Variants in CUL5 observed in about 807,000 individuals in gnomAD.
CUL5 encodes the protein cullin-5.
Under a neutral mutation model 108.8 loss-of-function variants are expected in CUL5, and 26 were observed. That is an observed-to-expected ratio of 0.24 (90% CI 0.18 to 0.33). CUL5 has a LOEUF of 0.33. CUL5 is among the 10% of genes least tolerant of loss of function. CUL5 has a pLI of 1.00. For synonymous variants in CUL5, 334 were observed against 298.0 expected, an observed-to-expected ratio of 1.12 and a Z score of -1.25; for missense variants, 524 against 909.2, an observed-to-expected ratio of 0.58 and a Z score of 5.45.
intron 1 of CUL5, among the ~76,000 whole-genome samples, chr11:108,027,919 G>A (rs935037008): frequency 3.3e-5 from 5 of 152,104 alleles, no homozygotes; most frequent in Admixed American, 3.3e-4. Flanking sequence ...CCATACTCTT[G>A]GTTTTCTTGC....
intron 1 of CUL5, among the ~76,000 whole-genome samples, chr11:108,022,395 A>C (rs1300184816): frequency 6.6e-5 from 10 of 152,190 alleles, no homozygotes; most frequent in Non-Finnish European, 1.5e-4. Context: ...ACATGATAAC[A>C]AATACTGTAT....
chr11:108,010,356 A>G (rs1031010791), intron 1 of CUL5, among the ~76,000 whole-genome samples: 1 of 152,262 alleles, frequency 6.6e-6, no homozygotes, highest in African/African-American at 2.4e-5. Flanking sequence ...AGAAAATAAT[A>G]GAAAATATAC....
intron 10 of CUL5, chr11:108,074,194 T>TA (rs1863892339): frequency 1.4e-5 from 2 of 146,824 alleles, no homozygotes; most frequent in East Asian, 3.9e-4. Context: ...ATTTTAATTT[T>TA]TTTTTTTTTT....
chr11:108,034,062 G>C (rs1447861718), intron 2 of CUL5, 151 bp downstream of exon 2: 5 of 580,476 alleles, frequency 8.6e-6, no homozygotes, highest in Non-Finnish European at 1.5e-5. Context: ...CCTCTCCCAG[G>C]TATGATGATT....
intron 5 of CUL5, among the ~76,000 whole-genome samples, chr11:108,053,998 A>G (rs1163334230): frequency 6.6e-6 from 1 of 152,064 alleles, no homozygotes; most frequent in Non-Finnish European, 1.5e-5. Flanking sequence ...GGTGTGTGCC[A>G]TCACTCCCAG....
chr11:108,079,812 T>G (rs912129098), intron 11 of CUL5, among the ~76,000 whole-genome samples: 1 of 152,232 alleles, frequency 6.6e-6, no homozygotes, highest in Non-Finnish European at 1.5e-5. Context: ...TAGTTTTGCC[T>G]AATCTAGGAC....
intron 1 of CUL5, among the ~76,000 whole-genome samples, chr11:108,016,709 C>T (rs1293307347): frequency 6.6e-6 from 1 of 152,054 alleles, no homozygotes; most frequent in East Asian, 1.9e-4. Flanking sequence ...ACCTGTAATC[C>T]CAGTGATTTG....
intron 1 of CUL5, among the ~76,000 whole-genome samples, chr11:108,027,066 T>C (rs1591280070): frequency 2.0e-5 from 3 of 152,120 alleles, no homozygotes. Context: ...TTTACTCTCT[T>C]ATACAGGAAA....
intron 1 of CUL5, among the ~76,000 whole-genome samples, chr11:108,013,019 G>A (rs1407952518): frequency 1.3e-5 from 2 of 152,120 alleles, no homozygotes; most frequent in East Asian, 3.9e-4. Flanking sequence ...TAATGATATG[G>A]CTTACTCTTC....
intron 10 of CUL5, among the ~76,000 whole-genome samples, chr11:108,077,368 T>G (rs1291604628): frequency 6.6e-6 from 1 of 152,032 alleles, no homozygotes; most frequent in African/African-American, 2.4e-5. Flanking sequence ...TTGTGTAGGC[T>G]GGGTGTGGTG....
At chr11:108,024,993 C>T (rs944019754) in intron 1 of CUL5, among the ~76,000 whole-genome samples, 5 of 152,188 alleles carry the variant, frequency 3.3e-5, no homozygotes, top group African/African-American at 1.2e-4. Context: ...GACTCTGCTA[C>T]CTCATTGTTT....
chr11:108,072,482 C>T lies in CUL5; in HGVS notation c.1005+20C>T, dbSNP rs760170220. On this transcript the variant is annotated intron_variant, in intron 9 of 18. Coordinates refer to ENST00000393094, the MANE Select transcript of CUL5 (RefSeq NM_003478.6). ...ACTACTGTAAGTTTTTTTTCAATGG[C>T]AATGATAGATATATATCAAGGCTAT... The T allele has an allele frequency of 4.4e-6, 7 of 1,582,270 alleles. No individual in the cohort carries two copies. In the South Asian group the frequency reaches 5.8e-5, roughly 13 times the overall value.
At chr11:108,054,554 A>G in intron 5 of CUL5, 93 bp from the exon 6 acceptor site, 1 of 826,546 alleles carries the variant, frequency 1.2e-6, no homozygotes, top group South Asian at 2.0e-5. Flanking sequence ...GTTACCTTGC[A>G]CATAATGACT....
chr11:108,103,335 G>C (rs918920760), intron 18 of CUL5, among the ~76,000 whole-genome samples: 8 of 151,970 alleles, frequency 5.3e-5, no homozygotes, highest in African/African-American at 1.9e-4. Context: ...CCAGGGCAGG[G>C]GAGTATTTGA....
intron 1 of CUL5, among the ~76,000 whole-genome samples, chr11:108,017,410 AG>A (rs1862225613): frequency 6.7e-6 from 1 of 150,350 alleles, no homozygotes; most frequent in African/African-American, 2.5e-5. Flanking sequence ...AAAAAAAAAA[AG>A]TATCAGTGAT....
chr11:108,054,324 T>C (rs1863318647), intron 5 of CUL5, among the ~76,000 whole-genome samples: 1 of 152,268 alleles, frequency 6.6e-6, no homozygotes, highest in African/African-American at 2.4e-5. Flanking sequence ...TCTCCGTTTA[T>C]GCAAATTCTA....
chr11:108,082,769 G>A (rs1864124582), intron 11 of CUL5, among the ~76,000 whole-genome samples: 1 of 151,776 alleles, frequency 6.6e-6, no homozygotes, highest in Non-Finnish European at 1.5e-5. Flanking sequence ...GAGTACCTGG[G>A]ACTAAGGGCC....
In CUL5 at chr11:108,079,649, A is replaced by G. The variant is rs183285401; in HGVS notation, c.1178+1409A>G. ...TCCCATGCATAAATCTTAAGTGTAC[A>G]TTTGAGTCAGATTTGACAAATGCCT... On this transcript the variant is annotated intron_variant, in intron 11 of 18. Transcript: ENST00000393094. Among the ~76,000 whole-genome samples, 290 of 152,294 alleles carry G rather than the reference A, an allele frequency of 1.9e-3. 11 individuals carry two copies. In the South Asian group the frequency reaches 0.036, roughly 19 times the overall value.
At chr11:108,023,291 G>A (rs910400878) in intron 1 of CUL5, among the ~76,000 whole-genome samples, 4 of 152,108 alleles carry the variant, frequency 2.6e-5, no homozygotes, top group Non-Finnish European at 4.4e-5. Flanking sequence ...TCTCCACTCT[G>A]TGGGCTGCCT....
Sources: allele counts gnomAD v4.1 joint callset (sites outside exome capture counted in the v4.1 genomes callset), GRCh38; gene constraint gnomAD v4.1.1; transcripts MANE v1.5; gene names NCBI Gene and HGNC (gene_info 2026-07-23, HGNC 2026-07-21).